Variants in UBE3D observed in about 807,000 individuals in gnomAD.
The protein encoded by UBE3D is ubiquitin protein ligase E3D, also known as E3 ubiquitin-protein ligase E3D.
Under a neutral mutation model 49.6 loss-of-function variants are expected in UBE3D, and 48 were observed. The observed-to-expected ratio is 0.97, with a 90% CI of 0.77 to 1.23. The LOEUF (loss-of-function observed/expected upper bound fraction) is 1.23, where lower values mean the gene tolerates loss of function less well. Ranked by LOEUF, UBE3D falls within the 50% of genes most tolerant of loss-of-function variation. UBE3D has a pLI of 0.00. For synonymous variants in UBE3D, 189 were observed against 174.2 expected, an observed-to-expected ratio of 1.08 and a Z score of -0.67; for missense variants, 452 against 468.4, an observed-to-expected ratio of 0.96 and a Z score of 0.32.
At chr6:82,908,326 G>T (rs1220842488) in intron 9 of UBE3D, among the ~76,000 whole-genome samples, 1 of 152,046 alleles carries the variant, frequency 6.6e-6, no homozygotes, top group African/African-American at 2.4e-5. Context: ...GACATTTTTG[G>T]TTGTCATAAC....
chr6:82,992,095 T>C (rs1340398845), intron 8 of UBE3D, among the ~76,000 whole-genome samples: 3 of 152,080 alleles, frequency 2.0e-5, no homozygotes, highest in Non-Finnish European at 4.4e-5. Flanking sequence ...AGAATGTATA[T>C]AAGTATTCCA....
chr6:83,010,981 C>G (rs1380282964), intron 8 of UBE3D, among the ~76,000 whole-genome samples: 3 of 152,110 alleles, frequency 2.0e-5, no homozygotes, highest in South Asian at 4.2e-4. Context: ...CACAAGTCGA[C>G]CCCTTGTCAA....
At chr6:82,898,187 T>C (rs1771470045) in intron 9 of UBE3D, among the ~76,000 whole-genome samples, 1 of 152,202 alleles carries the variant, frequency 6.6e-6, no homozygotes, top group African/African-American at 2.4e-5. Flanking sequence ...CAACAGATGC[T>C]GGAGAGGATG....
chr6:83,031,092 C>CT lies in UBE3D; in HGVS notation c.668-7055dup, dbSNP rs375561174. 9.6e-3 allele frequency among the ~76,000 whole-genome samples: 1,469 copies of CT among 152,318 alleles called. 22 individuals are homozygous for CT. The highest frequency in any genetic ancestry group is 0.033 in the African/African-American group (1,392 of 41,556). Reference sequence around the variant, plus strand: ...GTGCGATATCAGCTCACTGCAACCTCTGCCTCCCAAATTCAAGTGATTATC... The same window carrying CT: ...GTGCGATATCAGCTCACTGCAACCTCTTGCCTCCCAAATTCAAGTGATTATC... On this transcript the variant is annotated intron_variant, in intron 5 of 9. Coordinates refer to ENST00000369747, the MANE Select transcript of UBE3D (RefSeq NM_198920.3).
rs114779901 is a variant in UBE3D at position 83,023,724 on chromosome 6, G to A, written c.737+245C>T. Among the ~76,000 whole-genome samples the A allele has an allele frequency of 5.1e-3, 777 of 152,286 alleles. 5 individuals are homozygous for A. Among genetic ancestry groups the A allele is most frequent in the African/African-American group, 0.018 (733 of 41,554 alleles). ...TAAGAATAATACAATGGACTTTGAG[G>A]ACTTGGAGAAAAGGCAGGGGGAGGG... On this transcript the variant is annotated intron_variant, in intron 6 of 9. Coordinates refer to ENST00000369747, the MANE Select transcript of UBE3D (RefSeq NM_198920.3).
chr6:82,975,066 T>C (rs1405226011), intron 8 of UBE3D, among the ~76,000 whole-genome samples: 1 of 152,296 alleles, frequency 6.6e-6, no homozygotes, highest in African/African-American at 2.4e-5. Context: ...ATCTAAAATA[T>C]ATAAACTTGC....
intron 9 of UBE3D, among the ~76,000 whole-genome samples, chr6:82,923,475 T>C (rs1441765576): frequency 6.6e-6 from 1 of 151,906 alleles, no homozygotes; most frequent in East Asian, 1.9e-4. Context: ...AACCAAACAC[T>C]GCATGTTCTC....
intron 3 of UBE3D, among the ~76,000 whole-genome samples, chr6:83,053,945 G>A (rs1320548113): frequency 1.3e-5 from 2 of 152,156 alleles, no homozygotes; most frequent in Non-Finnish European, 2.9e-5. Flanking sequence ...CAGCATCCTA[G>A]TGCTCCCCTT....
Position 83,058,291 on chromosome 6 carries a change from G to A in UBE3D, c.78-269C>T, listed in dbSNP as rs1343962077. ...CTTCTGAGAAGAGCACTAAAATAAT[G>A]TTTTATAGTAAATCAGAGCAAAGTA... On this transcript the variant is annotated intron_variant, in intron 1 of 9. Transcript: ENST00000369747. Among the ~76,000 whole-genome samples, 3 of 152,128 alleles carry A rather than the reference G, an allele frequency of 2.0e-5. No individual in the cohort carries two copies. The East Asian group carries it at 5.8e-4, about 29-fold the overall frequency.
intron 9 of UBE3D, among the ~76,000 whole-genome samples, chr6:82,912,123 G>A (rs1772570559): frequency 6.6e-6 from 1 of 151,974 alleles, no homozygotes; most frequent in Non-Finnish European, 1.5e-5. Context: ...CTACTCATTT[G>A]GGCACACAGT....
intron 9 of UBE3D, among the ~76,000 whole-genome samples, chr6:82,932,970 G>A (rs1048828500): frequency 1.3e-5 from 2 of 152,124 alleles, no homozygotes; most frequent in Admixed American, 1.3e-4. Flanking sequence ...TAAAGAATGT[G>A]ACAGTATGAG....
intron 4 of UBE3D, among the ~76,000 whole-genome samples, chr6:83,040,407 A>C (rs867408595): frequency 9.6e-4 from 134 of 139,834 alleles, no homozygotes; most frequent in Admixed American, 3.4e-3. Flanking sequence ...CTCTCTCTAT[A>C]TATATATATA....
At chr6:82,924,304 A>G (rs893664020) in intron 9 of UBE3D, among the ~76,000 whole-genome samples, 4 of 152,204 alleles carry the variant, frequency 2.6e-5, no homozygotes, top group Admixed American at 1.3e-4. Flanking sequence ...ATAGGTTGAT[A>G]TGAACGTTTT....
intron 8 of UBE3D, among the ~76,000 whole-genome samples, chr6:83,013,936 CGGA>C (rs201271003): frequency 0.022 from 3,388 of 152,274 alleles, 53 homozygotes; most frequent in Non-Finnish European, 0.036. Flanking sequence ...GACACAAAGA[CGGA>C]GAGTTGATAT....
At chr6:82,929,651 CT>C (rs1204990656) in intron 9 of UBE3D, among the ~76,000 whole-genome samples, 1 of 151,952 alleles carries the variant, frequency 6.6e-6, no homozygotes, top group African/African-American at 2.4e-5. Flanking sequence ...CCCCTTTCTT[CT>C]TTTCTCCTTC....
intron 9 of UBE3D, among the ~76,000 whole-genome samples, chr6:82,945,586 T>C (rs1775342645): frequency 6.6e-6 from 1 of 152,150 alleles, no homozygotes; most frequent in Admixed American, 6.5e-5. Flanking sequence ...AACTTTTCAA[T>C]ATCCATGCCC....
At chr6:83,027,549 A>C (rs1446358350) in intron 5 of UBE3D, among the ~76,000 whole-genome samples, 1 of 151,054 alleles carries the variant, frequency 6.6e-6, no homozygotes, top group Non-Finnish European at 1.5e-5. Flanking sequence ...CTTGAAGGAA[A>C]TTTTCACTTG....
chr6:82,947,471 C>T (rs1031756652), intron 9 of UBE3D, among the ~76,000 whole-genome samples: 4 of 151,994 alleles, frequency 2.6e-5, no homozygotes, highest in Non-Finnish European at 4.4e-5. Flanking sequence ...CAGAACATTT[C>T]ATCCAATGGT....
chr6:83,032,506 C>T (rs979530421), intron 5 of UBE3D, among the ~76,000 whole-genome samples: 1 of 152,170 alleles, frequency 6.6e-6, no homozygotes, highest in Non-Finnish European at 1.5e-5. Flanking sequence ...TTTAAAGTCT[C>T]ATAGGTGGAA....
Sources: allele counts gnomAD v4.1 joint callset (sites outside exome capture counted in the v4.1 genomes callset), GRCh38; gene constraint gnomAD v4.1.1; transcripts MANE v1.5; gene names NCBI Gene and HGNC (gene_info 2026-07-23, HGNC 2026-07-21).